The following ADARB2 variants were observed in gnomAD, a reference collection of about 807,000 sequenced individuals.
ADARB2 encodes the protein inactive double-stranded RNA-specific editase B2.
Under a neutral mutation model 62.2 loss-of-function variants are expected in ADARB2, and 25 were observed. The ratio of observed to expected loss-of-function variants is 0.40; its 90% CI spans 0.29 to 0.56. The LOEUF (loss-of-function observed/expected upper bound fraction) is 0.56, where lower values mean the gene tolerates loss of function less well. Among genes scored for constraint, ADARB2 ranks in the 20% least tolerant of loss-of-function variants. The probability of loss-of-function intolerance (pLI) is 0.43; values close to 1 mark genes in which losing one functional copy is unlikely to be tolerated. For synonymous variants in ADARB2, 572 were observed against 500.8 expected (o/e 1.14, Z -1.90); for missense variants, 1,071 against 1,077.4 (o/e 0.99, Z 0.08).
chr10:1,487,226 A>G (rs538475472), intron 1 of ADARB2, among the ~76,000 whole-genome samples: 2 of 152,244 alleles, frequency 1.3e-5, no homozygotes, highest in Non-Finnish European at 2.9e-5. Context: ...AGGGTTGTCA[A>G]GTTATCTGGT....
rs772350679 is a variant in ADARB2 at position 1,737,099 on chromosome 10, G to A, written c.52C>T (p.Leu18Phe). The A allele has an allele frequency of 2.5e-6, 4 of 1,611,680 alleles. No homozygotes were observed. Reference sequence around the variant, plus strand: ...CTCCTCCTCTTGGACTTGCATTTGAGTTGACTGCTCAGCCCTCCAGACCCT... The same window carrying A: ...CTCCTCCTCTTGGACTTGCATTTGAATTGACTGCTCAGCCCTCCAGACCCT... ...GRGSGGLSSQ[L>F]KCKSKRRRRR... The change falls in exon 1 of 10, where the codon CTC (leucine) becomes TTC (phenylalanine). Residue 18 changes from leucine (L) to phenylalanine (F), a missense_variant. Transcript: ENST00000381312.
chr10:1,362,159 A>T (rs982301001), intron 3 of ADARB2, among the ~76,000 whole-genome samples: 11 of 152,352 alleles, frequency 7.2e-5, no homozygotes, highest in African/African-American at 2.6e-4. Context: ...AAATGGAAAT[A>T]CTTCAGCGAT....
At chr10:1,246,940 C>T (rs1371082577) in intron 4 of ADARB2, among the ~76,000 whole-genome samples, 9 of 152,028 alleles carry the variant, frequency 5.9e-5, no homozygotes, top group South Asian at 4.2e-4. Flanking sequence ...GCCATTTTCA[C>T]GATATTGATT....
At chr10:1,496,964 A>C (rs1831700881) in intron 1 of ADARB2, among the ~76,000 whole-genome samples, 1 of 152,212 alleles carries the variant, frequency 6.6e-6, no homozygotes, top group Non-Finnish European at 1.5e-5. Context: ...ACATATTTAT[A>C]GCACCATGAC....
At chr10:1,582,776 A>G (rs1212094786) in intron 1 of ADARB2, among the ~76,000 whole-genome samples, 1 of 152,144 alleles carries the variant, frequency 6.6e-6, no homozygotes, top group Non-Finnish European at 1.5e-5. Context: ...GTCACAGGGA[A>G]GCATGGTTTT....
chr10:1,696,157 T>TATGC (rs3062720), intron 1 of ADARB2, among the ~76,000 whole-genome samples: 21 of 150,006 alleles, frequency 1.4e-4, no homozygotes, highest in African/African-American at 5.1e-4. Flanking sequence ...TGTGTGTATG[T>TATGC]GTTTGCATGT....
At chr10:1,391,766 A>ATTTTTTTTTTTTTTTT (rs60956446) in intron 1 of ADARB2, among the ~76,000 whole-genome samples, 1 of 91,614 alleles carries the variant, frequency 1.1e-5, no homozygotes, top group Non-Finnish European at 2.0e-5. Flanking sequence ...TAAGAATTGG[A>ATTTTTTTTTTTTTTTT]TTTTTTTTTT....
chr10:1,657,060 G>C (rs964503765), intron 1 of ADARB2, among the ~76,000 whole-genome samples: 3 of 151,150 alleles, frequency 2.0e-5, no homozygotes, highest in Non-Finnish European at 4.4e-5. Flanking sequence ...TAAAACTTAG[G>C]GTTTCTGATT....
chr10:1,679,813 G>A (rs957146303), intron 1 of ADARB2, among the ~76,000 whole-genome samples: 3 of 152,314 alleles, frequency 2.0e-5, no homozygotes, highest in South Asian at 2.1e-4. Flanking sequence ...CTGAGTGCAG[G>A]GGATGCCTGC....
intron 1 of ADARB2, among the ~76,000 whole-genome samples, chr10:1,600,725 T>C (rs893265102): frequency 4.8e-5 from 7 of 144,434 alleles, no homozygotes; most frequent in Non-Finnish European, 7.5e-5. Flanking sequence ...TATTATGTAA[T>C]AGCTGCTCCG....
At chr10:1,431,253 G>T (rs1830775299) in intron 1 of ADARB2, among the ~76,000 whole-genome samples, 1 of 152,028 alleles carries the variant, frequency 6.6e-6, no homozygotes, top group Non-Finnish European at 1.5e-5. Flanking sequence ...GACCATAAAG[G>T]AATTAAACCA....
chr10:1,311,993 T>G (rs1432289715), intron 3 of ADARB2, among the ~76,000 whole-genome samples: 1 of 152,196 alleles, frequency 6.6e-6, no homozygotes, highest in Non-Finnish European at 1.5e-5. Flanking sequence ...GATGGAATCT[T>G]TAATTACCAG....
intron 1 of ADARB2, among the ~76,000 whole-genome samples, chr10:1,620,483 A>G (rs1833692732): frequency 6.6e-6 from 1 of 152,224 alleles, no homozygotes; most frequent in South Asian, 2.1e-4. Context: ...TAAACTAACA[A>G]TTAGAGATCC....
intron 1 of ADARB2, among the ~76,000 whole-genome samples, chr10:1,722,611 C>G (rs7905452): frequency 0.98 from 149,255 of 152,286 alleles, 73,217 homozygotes; most frequent in East Asian, 1. Context: ...GTATTTCATT[C>G]CGTTTCTTGG....
chr10:1,659,937 G>C (rs1392652085), intron 1 of ADARB2, among the ~76,000 whole-genome samples: 4 of 149,026 alleles, frequency 2.7e-5, no homozygotes, highest in African/African-American at 4.9e-5. Context: ...TCCATTGCCT[G>C]CCCTGCCTGG....
chr10:1,625,057 G>A (rs112711079), intron 1 of ADARB2, among the ~76,000 whole-genome samples: 1 of 152,186 alleles, frequency 6.6e-6, no homozygotes, highest in East Asian at 1.9e-4. Flanking sequence ...TCTTTTAACT[G>A]TCTGGGGAAA....
At chr10:1,221,276 T>A (rs1830692794) in intron 6 of ADARB2, among the ~76,000 whole-genome samples, 1 of 152,190 alleles carries the variant, frequency 6.6e-6, no homozygotes, top group Non-Finnish European at 1.5e-5. Flanking sequence ...CTGGTCCAAT[T>A]CTGACAGTCC....
At chr10:1,512,451 C>T (rs1831948679) in intron 1 of ADARB2, among the ~76,000 whole-genome samples, 1 of 152,238 alleles carries the variant, frequency 6.6e-6, no homozygotes, top group Admixed American at 6.5e-5. Context: ...ATGCTGTCTA[C>T]ACTGGATACC....
chr10:1,469,362 C>T (rs1302951097), intron 1 of ADARB2, among the ~76,000 whole-genome samples: 2 of 152,202 alleles, frequency 1.3e-5, no homozygotes, highest in Non-Finnish European at 2.9e-5. Context: ...ATTCTCTTCC[C>T]TATTTGGATT....
Sources: allele counts gnomAD v4.1 joint callset (sites outside exome capture counted in the v4.1 genomes callset), GRCh38; gene constraint gnomAD v4.1.1; transcripts MANE v1.5; gene names NCBI Gene and HGNC (gene_info 2026-07-23, HGNC 2026-07-21).